The following PLK3 variants were observed in gnomAD, a reference collection of about 807,000 sequenced individuals.
PLK3 encodes the protein polo like kinase 3.
Under a neutral mutation model 71.6 loss-of-function variants are expected in PLK3, and 41 were observed. The observed-to-expected ratio is 0.57, with a 90% CI of 0.45 to 0.74. PLK3 has a LOEUF of 0.74. Ranked by LOEUF, PLK3 falls within the 30% of genes least tolerant of loss-of-function variation. The pLI is 0.00. For missense variants in PLK3, 791 were observed against 875.6 expected (o/e 0.90, Z 1.22); for synonymous variants, 366 against 355.4 (o/e 1.03, Z -0.33).
In PLK3 at chr1:44,800,542, G is replaced by A. The variant is rs554740111; in HGVS notation, c.79G>A (p.Gly27Arg). The A allele has an allele frequency of 1.0e-4, 154 of 1,482,080 alleles. No homozygotes were observed. In the African/African-American group the frequency reaches 1.9e-3, roughly 19 times the overall value. The allele number at this position is 1,482,080 out of a possible 1,614,324, so 91.8% of individuals were successfully genotyped here. A position where few individuals can be genotyped will look rare whatever the true frequency, so the allele number is the denominator to read the frequency against. Residue 27 changes from glycine to arginine, a missense_variant, in exon 1 of 15, where the codon GGG (glycine) becomes AGG (arginine). By Grantham distance (125) the Gly-to-Arg change is moderately radical. Coordinates refer to ENST00000372201, the MANE Select transcript of PLK3 (RefSeq NM_004073.4). This position sits in a 1 kb window ranked among gnomAD's most constrained non-coding sequence, Gnocchi z 6.5. Reference protein sequence around the residue: ...AAAPAPPAGPGPPPSALRGPE... With the variant: ...AAAPAPPAGPRPPPSALRGPE... ...CGCGCCCGCTCCCCCGGCCGGGCCC[G>A]GGCCGCCTCCGAGTGCCTTGCGCGG...
rs373854860 is a variant in PLK3 at position 44,805,347 on chromosome 1, C to G, written c.1717C>G (p.Leu573Val). ...LLQWVKTDQALLMLFSDGTVQ... is the reference protein window; with the variant it reads ...LLQWVKTDQAVLMLFSDGTVQ... ...GCAGTGGGTCAAGACGGATCAGGCTCTCCTCATGCTGTTTAGTGATGGCAC... is the reference window on the plus strand; with the variant it reads ...GCAGTGGGTCAAGACGGATCAGGCTGTCCTCATGCTGTTTAGTGATGGCAC... The change falls in exon 14 of 15, where the codon CTC (leucine) becomes GTC (valine). Residue 573 changes from leucine to valine, a missense_variant. Physicochemically the swap from Leu to Val is conservative, Grantham distance 32. Transcript: ENST00000372201. 2.5e-6 allele frequency: 4 copies of G among 1,614,036 alleles called. No homozygotes were observed. The highest frequency in any genetic ancestry group is 3.4e-6 in the Non-Finnish European group (4 of 1,179,908).
rs1300570746 is a variant in PLK3 at position 44,805,255 on chromosome 1, C to G, written c.1636-11C>G. On this transcript the variant is annotated splice_polypyrimidine_tract_variant and intron_variant, in intron 13 of 14. Transcript: ENST00000372201. ...CGCTGGATCAGTGACCTGCCCTGAT[C>G]CTGCTCCCAGGGTGGAGATCTGCCC... The G allele has an allele frequency of 6.3e-7, 1 of 1,592,518 alleles. No individual in the cohort carries two copies. Among genetic ancestry groups the G allele is most frequent in the African/African-American group, 1.3e-5 (1 of 74,472 alleles).
rs935423016 is a variant in PLK3 at position 44,805,850 on chromosome 1, A to G, written c.*172A>G. The G allele has an allele frequency of 2.9e-6, 4 of 1,365,304 alleles. No homozygotes were observed. The highest frequency in any genetic ancestry group is 3.9e-6 in the Non-Finnish European group (4 of 1,022,430). 84.6% of individuals were successfully genotyped at this position (1,365,304 alleles called of 1,614,324 possible). On this transcript the variant is annotated 3_prime_UTR_variant, in exon 15 of 15. Transcript: ENST00000372201. The stretch of plus-strand genomic sequence containing the variant: ...GCTTGTCTTCGCTGGCTCCTACCCC[A>G]TCTCCAAGATAAGCCTGAGCCTTAG...
chr1:44,803,463 TGA>T lies in PLK3; in HGVS notation c.1072+74_1072+75del. 6.2e-7 allele frequency: 1 copy of T among 1,603,590 alleles called. No individual in the cohort carries two copies. The highest frequency in any genetic ancestry group is 1.7e-5 in the Admixed American group (1 of 59,516). On this transcript the variant is annotated intron_variant, in intron 8 of 14. Coordinates refer to ENST00000372201, the MANE Select transcript of PLK3 (RefSeq NM_004073.4). This position sits in a 1 kb window ranked among gnomAD's most constrained non-coding sequence, Gnocchi z 4.3. ...GCTTGTCACATTTGTCTTGGGTGTG[TGA>T]GTGTGGGTGCCTGGAAACTCCTGGG...
In PLK3 at chr1:44,802,772, C is replaced by T. The variant is rs777973489; in HGVS notation, c.666C>T (p.Gly222=). The change falls in exon 6 of 15, where the codon GGC becomes GGT. Residue 222 remains glycine (G), a synonymous_variant. Coordinates refer to ENST00000372201, the MANE Select transcript of PLK3 (RefSeq NM_004073.4). Reference sequence around the variant, plus strand: ...CACCCTCTTTCAGGACCATCTGTGGCACCCCCAACTATGTGGCTCCAGAAG... The same window carrying T: ...CACCCTCTTTCAGGACCATCTGTGGTACCCCCAACTATGTGGCTCCAGAAG... ...PPEQRKKTIC[G]TPNYVAPEVL... is the part of the protein sequence containing the mutation. 1.3e-5 allele frequency: 21 copies of T among 1,612,752 alleles called. No individual in the cohort carries two copies. The highest frequency in any genetic ancestry group is 1.7e-5 in the Non-Finnish European group (20 of 1,179,436).
Position 44,804,637 on chromosome 1 carries a change from C to A in PLK3, c.1506-13C>A. ...GTGCAGGGCTCCCTCTGACCTCTGC[C>A]TCCCCATTCTAGGACTGTGCACTAC... is the stretch of plus-strand genomic sequence containing the variant. On this transcript the variant is annotated splice_polypyrimidine_tract_variant and intron_variant, in intron 12 of 14. Coordinates refer to ENST00000372201, the MANE Select transcript of PLK3 (RefSeq NM_004073.4). The A allele has an allele frequency of 6.2e-7, 1 of 1,612,054 alleles. No individual in the cohort carries two copies. The highest frequency in any genetic ancestry group is 8.5e-7 in the Non-Finnish European group (1 of 1,178,588).
Position 44,805,978 on chromosome 1 carries a change from C to T in PLK3, c.*300C>T, listed in dbSNP as rs1242571865. On this transcript the variant is annotated 3_prime_UTR_variant, in exon 15 of 15. Transcript: ENST00000372201. ...GGGGGCCTCCTCCTAGGATAATAAA[C>T]AATTTTGCAGAATTGGACTCCCCCT... 3 of 1,520,816 alleles carry T rather than the reference C, an allele frequency of 2.0e-6. No individual in the cohort carries two copies. The highest frequency in any genetic ancestry group is 2.6e-6 in the Non-Finnish European group (3 of 1,133,426). 94.2% of individuals were successfully genotyped at this position (1,520,816 alleles called of 1,614,324 possible). A position where few individuals can be genotyped will look rare whatever the true frequency, so the allele number is the denominator to read the frequency against.
intron 3 of PLK3, 69 bp from the exon 4 acceptor site, chr1:44,801,553 C>A: frequency 6.5e-7 from 1 of 1,548,956 alleles, no homozygotes; most frequent in Non-Finnish European, 8.8e-7. Context: ...GTTTCTTCCT[C>A]AGGGAGCACA....
chr1:44,805,333 A>G lies in PLK3; in HGVS notation c.1703A>G (p.Lys568Arg). 1 of 1,614,086 alleles carries G rather than the reference A, an allele frequency of 6.2e-7. No homozygotes were observed. The highest frequency in any genetic ancestry group is 8.5e-7 in the Non-Finnish European group (1 of 1,179,956). Residue 568 changes from lysine to arginine, a missense_variant, in exon 14 of 15, where the codon AAG (lysine) becomes AGG (arginine). By Grantham distance (26) the Lys-to-Arg change is conservative. Transcript: ENST00000372201. ...PAPPLLLQWV[K>R]TDQALLMLFS... is the part of the protein sequence containing the mutation. ...CCGCCCTTGCTGCTGCAGTGGGTCAAGACGGATCAGGCTCTCCTCATGCTG... is the reference window on the plus strand; with the variant it reads ...CCGCCCTTGCTGCTGCAGTGGGTCAGGACGGATCAGGCTCTCCTCATGCTG...
rs1242125249 is a variant in PLK3 at position 44,804,226 on chromosome 1, G to T, written c.1322G>T (p.Cys441Phe). The part of the protein sequence containing the change: ...VESALCALRN[C>F]IAFMPPAEQN... ...TCAGCCCTTTGTGCTCTGAGAAATTGTATAGCCTTCATGCCCCCAGGTAAG... is the reference window on the plus strand; with the variant it reads ...TCAGCCCTTTGTGCTCTGAGAAATTTTATAGCCTTCATGCCCCCAGGTAAG... The change falls in exon 11 of 15, where the codon TGT becomes TTT. Residue 441 changes from cysteine (C) to phenylalanine (F), a missense_variant. Physicochemically the swap from Cys to Phe is radical, Grantham distance 205. Transcript: ENST00000372201. 2 of 1,614,012 alleles carry T rather than the reference G, an allele frequency of 1.2e-6. No homozygotes were observed. Among genetic ancestry groups the T allele is most frequent in the South Asian group, 2.2e-5 (2 of 91,086 alleles).
Position 44,805,795 on chromosome 1 carries a change from CAG to C in PLK3, c.*118_*119del, listed in dbSNP as rs1652017385. 1 of 1,316,604 alleles carries C rather than the reference CAG, an allele frequency of 7.6e-7. No individual in the cohort carries two copies. Among genetic ancestry groups the C allele is most frequent in the Non-Finnish European group, 1.0e-6 (1 of 975,706 alleles). The allele number at this position is 1,316,604 out of a possible 1,614,324, so 81.6% of individuals were successfully genotyped here. ...CTTTGGGCCGAATCCCCCAGGGAAT[CAG>C]GGACCAGCTTTACTGGAGTTGGGGG... On this transcript the variant is annotated 3_prime_UTR_variant, in exon 15 of 15. Transcript: ENST00000372201.
In PLK3 at chr1:44,805,622, C is replaced by T; in HGVS notation, c.1885C>T (p.Leu629=). The T allele has an allele frequency of 6.2e-7, 1 of 1,614,134 alleles. No individual in the cohort carries two copies. The highest frequency in any genetic ancestry group is 2.2e-5 in the East Asian group (1 of 44,884). ...HLRQLGCSPD[L]RQRLRYALRL... is the part of the protein sequence containing the mutation. ...TCGGCAGCTGGGCTGCTCTCCAGAC[C>T]TGCGGCAGCGACTCCGCTATGCTCT... Residue 629 remains leucine, a synonymous_variant, in exon 15 of 15, where the codon CTG becomes TTG. Coordinates refer to ENST00000372201, the MANE Select transcript of PLK3 (RefSeq NM_004073.4).
rs143812663 is a variant in PLK3 at position 44,803,333 on chromosome 1, C to T, written c.1014C>T (p.Asn338=). The T allele has an allele frequency of 1.9e-6, 3 of 1,614,034 alleles. No individual in the cohort carries two copies. Among genetic ancestry groups the T allele is most frequent in the Non-Finnish European group, 2.5e-6 (3 of 1,180,022 alleles). ...CVTVPDLTPP[N]PARSLFAKVT... ...CAGTCCCAGACCTGACACCCCCCAA[C>T]CCAGCTAGGAGTCTGTTTGCCAAAG... is the stretch of plus-strand genomic sequence containing the variant. The change falls in exon 8 of 15, where the codon AAC becomes AAT. Residue 338 remains asparagine (N), a synonymous_variant. Coordinates refer to ENST00000372201, the MANE Select transcript of PLK3 (RefSeq NM_004073.4). The surrounding 1 kb of genome is among the most constrained non-coding windows in gnomAD (Gnocchi z 4.3).
At position 44,803,435 on chromosome 1, in the gene PLK3, G is replaced by A; in HGVS notation, c.1072+44G>A. On this transcript the variant is annotated intron_variant, in intron 8 of 14. Transcript: ENST00000372201. The surrounding 1 kb of genome is among the most constrained non-coding windows in gnomAD (Gnocchi z 4.3). ...TGGGTTGAGGGGGCAGAGCAGTAGA[G>A]CGGCTTGTCACATTTGTCTTGGGTG... The A allele has an allele frequency of 7.4e-6, 12 of 1,612,044 alleles. No individual in the cohort carries two copies. Among genetic ancestry groups the A allele is most frequent in the Non-Finnish European group, 1.0e-5 (12 of 1,178,840 alleles).
chr1:44,802,836 T>A lies in PLK3; in HGVS notation c.730T>A (p.Trp244Arg). The change falls in exon 6 of 15, where the codon TGG becomes AGG. Residue 244 changes from tryptophan (W) to arginine (R), a missense_variant. By Grantham distance (101) the Trp-to-Arg change is moderately radical (BLOSUM62 -3). Coordinates refer to ENST00000372201, the MANE Select transcript of PLK3 (RefSeq NM_004073.4). ...GGGCCACGGCCCTGAGGCGGATGTA[T>A]GGTCACTGGGCTGTGTCATGTGAGT... is the stretch of plus-strand genomic sequence containing the variant. ...RQGHGPEADVWSLGCVMYTLL... is the reference protein window; with the variant it reads ...RQGHGPEADVRSLGCVMYTLL... 6.2e-7 allele frequency: 1 copy of A among 1,613,744 alleles called. No homozygotes were observed. Among genetic ancestry groups the A allele is most frequent in the South Asian group, 1.1e-5 (1 of 91,080 alleles).
rs1256606583 is a variant in PLK3 at position 44,801,612 on chromosome 1, C to T, written c.436-10C>T. 1 of 1,612,458 alleles carries T rather than the reference C, an allele frequency of 6.2e-7. No individual in the cohort carries two copies. The highest frequency in any genetic ancestry group is 8.5e-7 in the Non-Finnish European group (1 of 1,179,226). ...GGCTCACCAGGGGCTGAGGCAGTGGCTCTCTGCAGTCCCTGGCCCACATCT... is the reference window on the plus strand; with the variant it reads ...GGCTCACCAGGGGCTGAGGCAGTGGTTCTCTGCAGTCCCTGGCCCACATCT... On this transcript the variant is annotated splice_polypyrimidine_tract_variant and intron_variant, in intron 3 of 14. Coordinates refer to ENST00000372201, the MANE Select transcript of PLK3 (RefSeq NM_004073.4).
Position 44,801,172 on chromosome 1 carries a change from G to GCGGGAATCAC in PLK3, c.435+21_435+22insGGGAATCACC. ...CGAAAGGTGAAAGATGGTGATTCCC[G>GCGGGAATCAC]CAGGGATGAGAGTGAGGGAGAGAAG... On this transcript the variant is annotated intron_variant, in intron 3 of 14. Coordinates refer to ENST00000372201, the MANE Select transcript of PLK3 (RefSeq NM_004073.4). The GCGGGAATCAC allele has an allele frequency of 9.0e-7, 1 of 1,109,502 alleles. No individual in the cohort carries two copies. The highest frequency in any genetic ancestry group is 1.4e-6 in the Non-Finnish European group (1 of 722,238). The allele number at this position is 1,109,502 out of a possible 1,614,324, so 68.7% of individuals were successfully genotyped here. A position where few individuals can be genotyped will look rare whatever the true frequency, so the allele number is the denominator to read the frequency against.
intron 10 of PLK3, 30 bp from the exon 11 acceptor site, chr1:44,804,133 T>G (rs753530673): frequency 6.3e-7 from 1 of 1,599,782 alleles, no homozygotes; most frequent in Non-Finnish European, 8.6e-7. Flanking sequence ...GGGTGCTAAT[T>G]CCTAAATCTC....
Position 44,803,997 on chromosome 1 carries a change from C to A in PLK3, c.1231C>A (p.Arg411Ser). 6.4e-7 allele frequency: 1 copy of A among 1,554,154 alleles called. No individual in the cohort carries two copies. The highest frequency in any genetic ancestry group is 1.2e-5 in the South Asian group (1 of 84,844). Residue 411 changes from arginine to serine, a missense_variant, in exon 10 of 15, where the codon CGT becomes AGT. Coordinates refer to ENST00000372201, the MANE Select transcript of PLK3 (RefSeq NM_004073.4). This position sits in a 1 kb window ranked among gnomAD's most constrained non-coding sequence, Gnocchi z 4.3. The stretch of plus-strand genomic sequence containing the variant: ...GACAGCACCTGAAGACAGCTCACCC[C>A]GTGGGACACTGGCAAGCAGTGGAGA... ...VETAPEDSSP[R>S]GTLASSGDGF...
Sources: allele counts gnomAD v4.1 joint callset, GRCh38; gene constraint gnomAD v4.1.1; non-coding constraint Gnocchi (gnomAD v3.1); transcripts MANE v1.5; gene names NCBI Gene and HGNC (gene_info 2026-07-23, HGNC 2026-07-21).